The following RIMS2 variants were observed in gnomAD, a reference collection of about 807,000 sequenced individuals.
RIMS2 encodes regulating synaptic membrane exocytosis protein 2.
Under a neutral mutation model 174.4 loss-of-function variants are expected in RIMS2, and 59 were observed. The observed-to-expected ratio is 0.34, with a 90% CI of 0.27 to 0.42. The LOEUF (loss-of-function observed/expected upper bound fraction) is 0.42, where lower values mean the gene tolerates loss of function less well. RIMS2 is among the 10% of genes least tolerant of loss of function. The pLI, the probability that RIMS2 is intolerant of heterozygous loss-of-function variation, is 1.00. For synonymous variants in RIMS2, 606 were observed against 572.5 expected, an observed-to-expected ratio of 1.06 and a Z score of -0.84; for missense variants, 1,620 against 1,666.3, an observed-to-expected ratio of 0.97 and a Z score of 0.48.
chr8:103,782,337 G>A (rs2098399474), intron 3 of RIMS2, among the ~76,000 whole-genome samples: 1 of 151,478 alleles, frequency 6.6e-6, no homozygotes, highest in Non-Finnish European at 1.5e-5. Context: ...CATAATTTTA[G>A]TGTATGTGTC....
exon 3 of RIMS2, chr8:103,766,415 C>G: frequency 6.2e-7 from 1 of 1,613,750 alleles, no homozygotes; most frequent in Non-Finnish European, 8.5e-7. Context: ...TCCAAGGACC[C>G]TCAGGTGACT....
chr8:103,778,694 A>G (rs537508454), intron 3 of RIMS2, among the ~76,000 whole-genome samples: 5 of 152,280 alleles, frequency 3.3e-5, no homozygotes, highest in South Asian at 2.1e-4. Context: ...GCTATTGTGA[A>G]TAGTGCTGCA....
intron 1 of RIMS2, among the ~76,000 whole-genome samples, chr8:103,544,766 C>T (rs1284126629): frequency 3.3e-4 from 50 of 152,136 alleles, no homozygotes; most frequent in Admixed American, 3.2e-3. Flanking sequence ...GGCATGGAGA[C>T]AGTAATCGGA....
At position 103,940,027 on chromosome 8, in the gene RIMS2, T is replaced by C. The variant is rs540223498; in HGVS notation, c.2548-2746T>C. 4.3e-3 allele frequency among the ~76,000 whole-genome samples: 658 copies of C among 152,342 alleles called. 2 individuals are homozygous for C. The highest frequency in any genetic ancestry group is 7.9e-3 in the Non-Finnish European group (535 of 68,028). On this transcript the variant is annotated intron_variant, in intron 13 of 23. Coordinates refer to ENST00000504942, the Ensembl canonical transcript of RIMS2. ...AACTTTCCTACATTTTCCTGTCTTC[T>C]GAGCCCTCCAAACTGTTCCAACCCC...
chr8:103,582,560 C>A (rs1258992633), intron 1 of RIMS2, among the ~76,000 whole-genome samples: 1 of 152,130 alleles, frequency 6.6e-6, no homozygotes, highest in African/African-American at 2.4e-5. Flanking sequence ...GAGTCCATAC[C>A]TGGAAGGGTG....
chr8:103,974,760 C>T (rs543617454), intron 15 of RIMS2, among the ~76,000 whole-genome samples: 3 of 152,212 alleles, frequency 2.0e-5, no homozygotes, highest in Admixed American at 6.5e-5. Flanking sequence ...TGCAGTGGCA[C>T]GGGCCTGTAG....
chr8:104,104,245 G>A (rs193174967), intron 19 of RIMS2, among the ~76,000 whole-genome samples: 1 of 152,274 alleles, frequency 6.6e-6, no homozygotes, highest in Admixed American at 6.5e-5. Context: ...ATGAGAAGTA[G>A]CTTACAATGG....
chr8:103,581,272 A>T (rs183899845), intron 1 of RIMS2, among the ~76,000 whole-genome samples: 4 of 152,358 alleles, frequency 2.6e-5, no homozygotes, highest in African/African-American at 9.6e-5. Context: ...CATTAAAAAG[A>T]TCATTCACCA....
At chr8:104,067,881 A>G (rs2097132132) in intron 19 of RIMS2, among the ~76,000 whole-genome samples, 1 of 152,108 alleles carries the variant, frequency 6.6e-6, no homozygotes, top group Non-Finnish European at 1.5e-5. Context: ...TTAACTCTAT[A>G]TTCTAATTTT....
intron 1 of RIMS2, among the ~76,000 whole-genome samples, chr8:103,682,716 T>A (rs1406724771): frequency 1.3e-5 from 2 of 152,120 alleles, no homozygotes; most frequent in Non-Finnish European, 2.9e-5. Context: ...ATAAATAAAA[T>A]TTTTTAAAAA....
intron 19 of RIMS2, among the ~76,000 whole-genome samples, chr8:104,100,913 A>G (rs1371672294): frequency 3.7e-5 from 5 of 136,360 alleles, no homozygotes; most frequent in Non-Finnish European, 7.6e-5. Context: ...TATTATATGT[A>G]ATATATTATA....
intron 22 of RIMS2, among the ~76,000 whole-genome samples, chr8:104,250,749 A>G (rs895158664): frequency 1.3e-5 from 2 of 152,172 alleles, no homozygotes; most frequent in Admixed American, 1.3e-4. Flanking sequence ...GACTGGAAGC[A>G]TTTCCCTTTA....
At chr8:103,830,960 A>G (rs185965341) in intron 3 of RIMS2, among the ~76,000 whole-genome samples, 259 of 152,144 alleles carry the variant, frequency 1.7e-3, no homozygotes, top group Non-Finnish European at 2.8e-3. Context: ...GGTGCAAGCC[A>G]CCGCACCTGG....
intron 10 of RIMS2, 136 bp downstream of exon 13, chr8:103,921,920 A>C (rs2077742941): frequency 4.7e-6 from 2 of 428,710 alleles, no homozygotes; most frequent in African/African-American, 4.1e-5. Flanking sequence ...CATTCTTTTA[A>C]TTTTTGAAAT....
chr8:104,040,857 T>G (rs976946406), intron 19 of RIMS2, among the ~76,000 whole-genome samples: 1 of 151,746 alleles, frequency 6.6e-6, no homozygotes, highest in Non-Finnish European at 1.5e-5. Context: ...GGAATAGAAA[T>G]CTGTTGAAAC....
exon 16 of RIMS2, chr8:103,975,485 C>T: frequency 6.2e-7 from 1 of 1,613,080 alleles, no homozygotes; most frequent in Non-Finnish European, 8.5e-7. Context: ...TCATGGTCAC[C>T]CAGTGTCCCT....
At chr8:104,137,604 G>T (rs139799350) in intron 19 of RIMS2, among the ~76,000 whole-genome samples, 1 of 151,998 alleles carries the variant, frequency 6.6e-6, no homozygotes, top group Non-Finnish European at 1.5e-5. Flanking sequence ...TAGCAGAAAG[G>T]TATATAATCA....
At chr8:103,737,560 C>CA (rs2097702595) in intron 2 of RIMS2, among the ~76,000 whole-genome samples, 1 of 152,030 alleles carries the variant, frequency 6.6e-6, no homozygotes, top group Non-Finnish European at 1.5e-5. Flanking sequence ...TGGTATTTTT[C>CA]AAAATGCAAT....
chr8:103,676,125 T>C (rs758024071), intron 1 of RIMS2, among the ~76,000 whole-genome samples: 13 of 152,184 alleles, frequency 8.5e-5, no homozygotes, highest in Non-Finnish European at 1.8e-4. Flanking sequence ...AGGTAAGACT[T>C]GTTATGTAAA....
Sources: allele counts gnomAD v4.1 joint callset (sites outside exome capture counted in the v4.1 genomes callset), GRCh38; gene constraint gnomAD v4.1.1; transcripts MANE v1.5; gene names NCBI Gene and HGNC (gene_info 2026-07-23, HGNC 2026-07-21).